The following FRMPD4 variants were observed in gnomAD, a reference collection of about 807,000 sequenced individuals.
FRMPD4 encodes the protein FERM and PDZ domain-containing protein 4.
In FRMPD4, 22 loss-of-function variants were observed where a neutral mutation model predicts 94.1. The observed-to-expected ratio is 0.23, with a 90% CI of 0.17 to 0.33. The LOEUF (loss-of-function observed/expected upper bound fraction) is 0.33. Among genes scored for constraint, FRMPD4 ranks in the 10% least tolerant of loss-of-function variants. The pLI is 1.00. For synonymous variants in FRMPD4, 631 were observed against 548.6 expected (o/e 1.15, Z -2.10); for missense variants, 1,111 against 1,339.9 (o/e 0.83, Z 2.67).
chrX:12,335,578 C>A (rs1040833072), intron 1 of FRMPD4, among the ~76,000 whole-genome samples: 2 of 111,689 alleles, frequency 1.8e-5, no homozygotes, highest in African/African-American at 6.5e-5. Flanking sequence ...TAGCCTACTC[C>A]CATTTTCCAG....
intron 2 of FRMPD4, among the ~76,000 whole-genome samples, chrX:12,505,967 C>T (rs982598086): frequency 3.6e-5 from 4 of 111,948 alleles, no homozygotes; most frequent in African/African-American, 1.3e-4. Flanking sequence ...AGTGAACACT[C>T]GGATCAATCT....
rs1217949640 is a variant in FRMPD4, at chrX:12,723,983, A to G, written c.*2125A>G. 1 of 112,213 alleles carries G rather than the reference A, an allele frequency of 8.9e-6. No individual in the cohort carries two copies. The highest frequency in any genetic ancestry group is 1.9e-5 in the Non-Finnish European group (1 of 53,278). The allele number at this position is 112,213 out of a possible 1,213,427, so 9.2% of individuals were successfully genotyped here. On this transcript the variant is annotated 3_prime_UTR_variant, in exon 17 of 17. Transcript: ENST00000675598. ...AAGTTCTTACCACAATACCTGGCAG[A>G]GAGTAAGTATTCAATTAATGTTAGC...
intron 3 of FRMPD4, among the ~76,000 whole-genome samples, chrX:11,926,558 TACA>T (rs1203254150): frequency 8.9e-6 from 1 of 111,903 alleles, no homozygotes; most frequent in African/African-American, 3.2e-5. Context: ...GCTTATCCAT[TACA>T]ATCAAGTAGG....
intron 9 of FRMPD4, among the ~76,000 whole-genome samples, chrX:12,697,718 A>G (rs4357482): frequency 0.15 from 16,974 of 111,516 alleles, 1,529 homozygotes; most frequent in African/African-American, 0.34. Context: ...TCAGAACACG[A>G]AAATGTGTCT....
At chrX:12,068,319 G>C (rs1052751667) in intron 3 of FRMPD4, among the ~76,000 whole-genome samples, 1 of 111,954 alleles carries the variant, frequency 8.9e-6, no homozygotes, top group Non-Finnish European at 1.9e-5. Flanking sequence ...TGCTTTAAGC[G>C]CCTAAATTTG....
At chrX:11,882,871 G>C (rs1458324708) in intron 3 of FRMPD4, among the ~76,000 whole-genome samples, 2 of 111,514 alleles carry the variant, frequency 1.8e-5, no homozygotes, top group African/African-American at 6.5e-5. Flanking sequence ...AGACTGGAGG[G>C]ATGAGGTAAT....
intron 4 of FRMPD4, among the ~76,000 whole-genome samples, chrX:12,628,254 C>T (rs990505904): frequency 3.6e-5 from 4 of 111,741 alleles, no homozygotes; most frequent in Non-Finnish European, 7.5e-5. Flanking sequence ...ATCCTGTTTT[C>T]CTTAGAGCTG....
intron 1 of FRMPD4, among the ~76,000 whole-genome samples, chrX:11,843,344 A>G (rs541108094): frequency 9.0e-6 from 1 of 111,002 alleles, no homozygotes; most frequent in South Asian, 3.8e-4. Context: ...TTAATGTAGA[A>G]TTTTTGGCTC....
rs1569199737 is a variant in FRMPD4 at position 12,231,029 on chromosome X, A to ATAT, written c.41+92017_41+92018insTAT. Among the ~76,000 whole-genome samples the ATAT allele has an allele frequency of 1.0e-2, 402 of 40,397 alleles. 6 individuals carry two copies. The highest frequency in any genetic ancestry group is 0.02 in the African/African-American group (206 of 10,545). 35.1% of individuals were successfully genotyped at this position (40,397 alleles called of 115,157 possible). A position where few individuals can be genotyped will look rare whatever the true frequency, so the allele number is the denominator to read the frequency against. ...TATATAGTATATATAGTATATATAT[A>ATAT]GTATATATATATATATATAAAATAT... On this transcript the variant is annotated intron_variant, in intron 1 of 16. Coordinates refer to ENST00000675598, the MANE Select transcript of FRMPD4 (RefSeq NM_001368397.1).
At chrX:12,611,801 C>T (rs1210574404) in intron 3 of FRMPD4, among the ~76,000 whole-genome samples, 10 of 110,697 alleles carry the variant, frequency 9.0e-5, no homozygotes, top group African/African-American at 3.3e-4. Context: ...TTTTAGTTCT[C>T]TGTGTAAGAT....
chrX:11,908,891 C>T (rs1186920589), intron 3 of FRMPD4, among the ~76,000 whole-genome samples: 1 of 111,861 alleles, frequency 8.9e-6, no homozygotes, highest in Admixed American at 9.5e-5. Context: ...TTACATCTTG[C>T]ATTTCTAGAA....
chrX:11,862,048 G>A (rs935210382), intron 1 of FRMPD4, among the ~76,000 whole-genome samples: 5 of 110,357 alleles, frequency 4.5e-5, no homozygotes, highest in African/African-American at 1.7e-4. Context: ...ACTTTTAAAT[G>A]ACCAGATCTC....
chrX:12,119,388 C>T (rs977065387), intron 3 of FRMPD4, among the ~76,000 whole-genome samples: 10 of 112,212 alleles, frequency 8.9e-5, no homozygotes, highest in Non-Finnish European at 1.7e-4. Context: ...TCAAAATGAA[C>T]ATGTGACTGA....
Position 12,701,945 on chromosome X carries a change from A to T in FRMPD4, c.1005A>T (p.Ala335=). ...ATGACATAGCCCTGCGGCTGGCCGC[A>T]TTACAAATGTACATTGCAACCGTTA... ...LKYDIALRLA[A]LQMYIATVTT... Residue 335 remains alanine, a synonymous_variant, in exon 10 of 17, where the codon GCA becomes GCT. Transcript: ENST00000675598. 2 of 1,210,054 alleles carry T rather than the reference A, an allele frequency of 1.7e-6. No individual in the cohort carries two copies. The highest frequency in any genetic ancestry group is 2.2e-6 in the Non-Finnish European group (2 of 893,254).
intron 1 of FRMPD4, among the ~76,000 whole-genome samples, chrX:12,206,316 G>A (rs1347042697): frequency 2.7e-5 from 3 of 111,977 alleles, no homozygotes; most frequent in African/African-American, 9.7e-5. Context: ...CAAAGATATT[G>A]TAAGAGACCT....
At chrX:12,596,665 A>G (rs1405125513) in intron 2 of FRMPD4, among the ~76,000 whole-genome samples, 1 of 110,849 alleles carries the variant, frequency 9.0e-6, no homozygotes, top group Non-Finnish European at 1.9e-5. Context: ...TCCAGGAAAG[A>G]CCATTGACAT....
chrX:12,144,440 AT>A (rs5901462), intron 1 of FRMPD4, among the ~76,000 whole-genome samples: 32,539 of 101,029 alleles, frequency 0.32, 5,763 homozygotes, highest in East Asian at 0.63. Context: ...TAACATTCCC[AT>A]TTTTTTTTTT....
intron 1 of FRMPD4, among the ~76,000 whole-genome samples, chrX:11,857,488 G>A (rs1239647711): frequency 6.2e-5 from 7 of 112,553 alleles, no homozygotes; most frequent in African/African-American, 2.3e-4. Flanking sequence ...GGCGCTGGGA[G>A]AACTACCTAG....
At chrX:12,102,897 C>A (rs2055267143) in intron 3 of FRMPD4, among the ~76,000 whole-genome samples, 1 of 110,594 alleles carries the variant, frequency 9.0e-6, no homozygotes, top group Admixed American at 9.8e-5. Flanking sequence ...ATGCTATCAT[C>A]ATGGTGAAAA....
Sources: allele counts gnomAD v4.1 joint callset (sites outside exome capture counted in the v4.1 genomes callset), GRCh38; gene constraint gnomAD v4.1.1; transcripts MANE v1.5; gene names NCBI Gene and HGNC (gene_info 2026-07-23, HGNC 2026-07-21).